Variants in TIAM2 observed in about 807,000 individuals in gnomAD.
TIAM2 encodes the protein TIAM Rac1 associated GEF 2.
In TIAM2, 80 loss-of-function variants were observed where a neutral mutation model predicts 152.9. The observed-to-expected ratio is 0.52, with a 90% CI of 0.44 to 0.63. The LOEUF is 0.63. Ranked by LOEUF, TIAM2 falls within the 30% of genes least tolerant of loss-of-function variation. TIAM2 has a pLI of 0.00. For missense variants in TIAM2, 1,965 were observed against 2,120.1 expected (o/e 0.93, Z 1.44); for synonymous variants, 804 against 838.0 (o/e 0.96, Z 0.70).
At chr6:155,087,884 C>T (rs13191787) in intron 1 of TIAM2, among the ~76,000 whole-genome samples, 2 of 52,416 alleles carry the variant, frequency 3.8e-5, no homozygotes, top group Non-Finnish European at 3.3e-5. Flanking sequence ...TATAACAAAT[C>T]TCTGAACTAA....
chr6:155,081,801 C>A (rs917287894), intron 1 of TIAM2, among the ~76,000 whole-genome samples: 1 of 152,180 alleles, frequency 6.6e-6, no homozygotes, highest in African/African-American at 2.4e-5. Context: ...GTAAATCTCT[C>A]GTTTTTTTTA....
intron 1 of TIAM2, among the ~76,000 whole-genome samples, chr6:155,088,123 T>C (rs1364444982): frequency 6.7e-6 from 1 of 150,248 alleles, no homozygotes; most frequent in Non-Finnish European, 1.5e-5. Context: ...TGGCATGATC[T>C]CGTTCACTGC....
At chr6:155,155,786 T>C (rs1013136367) in intron 7 of TIAM2, among the ~76,000 whole-genome samples, 1 of 152,246 alleles carries the variant, frequency 6.6e-6, no homozygotes, top group African/African-American at 2.4e-5. Context: ...GGAAATGTTT[T>C]TGTTAGGAGA....
chr6:155,084,010 G>A (rs1360075651), intron 1 of TIAM2, among the ~76,000 whole-genome samples: 1 of 152,142 alleles, frequency 6.6e-6, no homozygotes, highest in Non-Finnish European at 1.5e-5. Flanking sequence ...AGGTGAAGGG[G>A]GCATAGGGCT....
chr6:155,002,546 CG>C (rs2114837150), intron 1 of TIAM2, among the ~76,000 whole-genome samples: 1 of 152,284 alleles, frequency 6.6e-6, no homozygotes, highest in East Asian at 1.9e-4. Flanking sequence ...CAGTCATCCA[CG>C]GAGACCCAGA....
At chr6:155,254,202 G>T in intron 25 of TIAM2, 142 bp downstream of exon 25, 1 of 996,578 alleles carries the variant, frequency 1.0e-6, no homozygotes, top group Admixed American at 2.7e-5. Context: ...AACTGAGGCC[G>T]CTAGTAGGAG....
intron 1 of TIAM2, among the ~76,000 whole-genome samples, chr6:155,037,188 A>C (rs1360968797): frequency 1.3e-5 from 2 of 152,118 alleles, no homozygotes; most frequent in Non-Finnish European, 2.9e-5. Flanking sequence ...AATGTAGGTA[A>C]ATTTTCTGAG....
intron 1 of TIAM2, among the ~76,000 whole-genome samples, chr6:155,029,417 CTATATATACTATAGT>C (rs1776748470): frequency 1.4e-5 from 1 of 72,476 alleles, no homozygotes; most frequent in Non-Finnish European, 2.5e-5. Flanking sequence ...ATAATATATA[CTATATATACTATAGT>C]ATATATTATA....
chr6:155,041,679 T>C (rs1564920), intron 1 of TIAM2, among the ~76,000 whole-genome samples: 37,758 of 152,044 alleles, frequency 0.25, 4,718 homozygotes, highest in Middle Eastern at 0.29. Flanking sequence ...CTTTATTACC[T>C]GTGAATACTT....
intron 14 of TIAM2, among the ~76,000 whole-genome samples, chr6:155,194,516 C>T (rs1481547198): frequency 6.6e-6 from 1 of 152,176 alleles, no homozygotes; most frequent in African/African-American, 2.4e-5. Context: ...CACAGCATGG[C>T]AGGCAGTCCC....
intron 1 of TIAM2, among the ~76,000 whole-genome samples, chr6:155,005,929 CGT>C (rs1778393988): frequency 6.6e-6 from 1 of 152,178 alleles, no homozygotes; most frequent in African/African-American, 2.4e-5. Flanking sequence ...GCATCACAGG[CGT>C]GAGCCACTGC....
chr6:155,060,898 A>C (rs1030366156), intron 1 of TIAM2, among the ~76,000 whole-genome samples: 14 of 152,166 alleles, frequency 9.2e-5, no homozygotes, highest in Admixed American at 4.6e-4. Context: ...TGTCTCAAAA[A>C]CCAAACCAAA....
chr6:155,205,182 TAAAAAAAAAAAAAAAAAAAAAAA>T (rs61272546), intron 14 of TIAM2, among the ~76,000 whole-genome samples: 5 of 40,524 alleles, frequency 1.2e-4, no homozygotes, highest in Non-Finnish European at 2.6e-4. Context: ...TATTAATTTC[TAAAAAAAAAAAAAAAAAAAAAAA>T]AAAAAAAAAA....
intron 14 of TIAM2, among the ~76,000 whole-genome samples, chr6:155,197,282 G>T (rs569277799): frequency 2.6e-5 from 4 of 152,316 alleles, no homozygotes; most frequent in South Asian, 4.1e-4. Flanking sequence ...TGTCTTTCAT[G>T]TTTCAGTTGA....
intron 2 of TIAM2, among the ~76,000 whole-genome samples, chr6:155,093,661 C>T (rs994256656): frequency 1.3e-5 from 2 of 152,146 alleles, no homozygotes; most frequent in Non-Finnish European, 2.9e-5. Context: ...CAATAGTGAG[C>T]GTCTCAGGGC....
At chr6:155,126,217 CA>C (rs1779291879) in intron 2 of TIAM2, among the ~76,000 whole-genome samples, 1 of 152,008 alleles carries the variant, frequency 6.6e-6, no homozygotes, top group Admixed American at 6.6e-5. Context: ...TGAAATAAGC[CA>C]GTTGCAAAAA....
chr6:155,251,257 C>T (rs1215073505), intron 22 of TIAM2, among the ~76,000 whole-genome samples: 1 of 152,178 alleles, frequency 6.6e-6, no homozygotes, highest in African/African-American at 2.4e-5. Flanking sequence ...AGGAACAGAT[C>T]CCTGCGGCTA....
intron 1 of TIAM2, among the ~76,000 whole-genome samples, chr6:155,047,728 A>AGC (rs1562300283): frequency 2.0e-4 from 26 of 132,470 alleles, no homozygotes; most frequent in African/African-American, 7.1e-4. Context: ...AGAGAGAGCG[A>AGC]GAGAGAGAGA....
In TIAM2 at chr6:155,238,679, A is replaced by G. The variant is rs1782887515; in HGVS notation, c.3169-1851A>G. 2.0e-5 allele frequency among the ~76,000 whole-genome samples: 3 copies of G among 152,368 alleles called. No homozygotes were observed. In the South Asian group the frequency reaches 6.2e-4, roughly 32 times the overall value. On this transcript the variant is annotated intron_variant, in intron 15 of 26. Coordinates refer to ENST00000682666, the MANE Select transcript of TIAM2 (RefSeq NM_012454.4). ...AACCCTTTCACCGAAGCCTTCCTGG[A>G]CAACCGATTCTAAAATGCTGCCTCT...
Sources: gnomAD v4.1 joint callset for allele counts (sites outside exome capture counted in the v4.1 genomes callset) on GRCh38, gnomAD v4.1.1 for gene constraint, MANE v1.5 for transcripts, NCBI Gene and HGNC (gene_info 2026-07-23, HGNC 2026-07-21) for gene names.